HSPG2: variants seen among roughly 807,000 people sequenced by gnomAD.
The protein encoded by HSPG2 is heparan sulfate proteoglycan 2.
A neutral mutation model predicts 526.6 loss-of-function variants in HSPG2; 278 were observed. The observed-to-expected ratio is 0.53, with a 90% CI of 0.48 to 0.58. The LOEUF is 0.58. HSPG2 is among the 20% of genes least tolerant of loss of function. The pLI is 0.00. For missense variants in HSPG2, 5,354 were observed against 6,099.5 expected (o/e 0.88, Z 4.07); for synonymous variants, 2,465 against 2,555.4 (o/e 0.96, Z 1.07).
At chr1:21,875,148 G>A (rs563101756) in intron 25 of HSPG2, 146 bp from the exon 26 acceptor site, 34 of 691,524 alleles carry the variant, frequency 4.9e-5, no homozygotes, top group African/African-American at 8.8e-5. Context: ...CAGAGGCTGC[G>A]AGGACCGTGG....
chr1:21,842,747 C>A (rs1244926051), intron 67 of HSPG2, 23 bp downstream of exon 67: 10 of 1,612,332 alleles, frequency 6.2e-6, no homozygotes, highest in East Asian at 2.2e-5. Context: ...GACCTGGAAT[C>A]CTCCCCATCC....
intron 1 of HSPG2, among the ~76,000 whole-genome samples, chr1:21,918,334 G>A (rs901739714): frequency 1.3e-5 from 2 of 152,070 alleles, no homozygotes; most frequent in Admixed American, 6.5e-5. Flanking sequence ...GTGTGGTGGC[G>A]CACACCTGTA....
chr1:21,838,742 T>A (rs1435200369), intron 74 of HSPG2, 83 bp downstream of exon 74: 26 of 1,463,046 alleles, frequency 1.8e-5, no homozygotes, highest in Non-Finnish European at 2.4e-5. Context: ...AGGGAGGCCT[T>A]CCCACCCGAG....
chr1:21,850,396 G>C lies in HSPG2; in HGVS notation c.7261C>G (p.Leu2421Val). 1 of 1,608,840 alleles carries C rather than the reference G, an allele frequency of 6.2e-7. No individual in the cohort carries two copies. ...GAGCCCGCAGGCTCAATGGTGACCA[G>C]GACAGAGGCCTCTAGAGGCACGGAG... is the stretch of plus-strand genomic sequence containing the variant. ...GSSVPLEASV[L>V]VTIEPAGSVP... The change falls in exon 56 of 97, where the codon CTG (leucine) becomes GTG (valine). Residue 2421 changes from leucine (L) to valine (V), a missense_variant. By Grantham distance (32) the Leu-to-Val change is conservative. Transcript: ENST00000374695.
intron 39 of HSPG2, 45 bp from the exon 40 acceptor site, chr1:21,860,280 C>A: frequency 6.4e-7 from 1 of 1,569,340 alleles, no homozygotes; most frequent in East Asian, 2.3e-5. Context: ...CTCAAGGGCC[C>A]CAGTGCCTCA....
intron 1 of HSPG2, among the ~76,000 whole-genome samples, chr1:21,919,665 G>A (rs1216481632): frequency 1.3e-5 from 2 of 151,774 alleles, no homozygotes; most frequent in African/African-American, 4.9e-5. Flanking sequence ...CAGCTTTAAC[G>A]AGCACATGAG....
At chr1:21,907,357 G>A (rs1288054124) in intron 1 of HSPG2, among the ~76,000 whole-genome samples, 9 of 152,118 alleles carry the variant, frequency 5.9e-5, no homozygotes, top group African/African-American at 1.2e-4. Flanking sequence ...AGCTCTGCTC[G>A]CTGGTCCCTT....
chr1:21,888,540 A>C lies in HSPG2; in HGVS notation c.575-474T>G. On this transcript the variant is annotated intron_variant, in intron 6 of 96. Transcript: ENST00000374695. ...AAGCTGGTCTCGAACTCTTTGCCTC[A>C]AGCAATCCTCCCGTCTTGGCCTCCC... is the stretch of plus-strand genomic sequence containing the variant. 2 of 512,746 alleles carry C rather than the reference A, an allele frequency of 3.9e-6. 1 individual carries two copies. The highest frequency in any genetic ancestry group is 7.6e-5 in the Admixed American group (2 of 26,420). The allele number at this position is 512,746 out of a possible 1,614,324, so 31.8% of individuals were successfully genotyped here.
Position 21,865,661 on chromosome 1 carries a change from G to A in HSPG2, c.4314+56C>T. On this transcript the variant is annotated intron_variant, in intron 34 of 96. Coordinates refer to ENST00000374695, the MANE Select transcript of HSPG2 (RefSeq NM_005529.7). The surrounding 1 kb of genome is among the most constrained non-coding windows in gnomAD (Gnocchi z 5.4). ...AGGACAAAGGACAAATGCCGAGGGTGCCCCTGGCTTCCATCCTGCCCTTCT... is the reference window on the plus strand; with the variant it reads ...AGGACAAAGGACAAATGCCGAGGGTACCCCTGGCTTCCATCCTGCCCTTCT... 1 of 1,362,140 alleles carries A rather than the reference G, an allele frequency of 7.3e-7. No homozygotes were observed. The highest frequency in any genetic ancestry group is 1.1e-6 in the Non-Finnish European group (1 of 950,992). The allele number at this position is 1,362,140 out of a possible 1,614,324, so 84.4% of individuals were successfully genotyped here. A position where few individuals can be genotyped will look rare whatever the true frequency, so the allele number is the denominator to read the frequency against.
intron 1 of HSPG2, among the ~76,000 whole-genome samples, chr1:21,936,505 G>C (rs1644492517): frequency 6.6e-6 from 1 of 152,190 alleles, no homozygotes; most frequent in South Asian, 2.1e-4. Flanking sequence ...TGCATTTTGA[G>C]TTCCCTTGAC....
intron 33 of HSPG2, among the ~76,000 whole-genome samples, chr1:21,871,799 G>A (rs1030409665): frequency 1.3e-5 from 2 of 152,244 alleles, no homozygotes; most frequent in Admixed American, 1.3e-4. Context: ...CAAGCACAGA[G>A]CCAGCAGTGT....
At chr1:21,845,778 C>T (rs1638383156) in intron 64 of HSPG2, among the ~76,000 whole-genome samples, 1 of 152,220 alleles carries the variant, frequency 6.6e-6, no homozygotes, top group Non-Finnish European at 1.5e-5. Flanking sequence ...AGTACTACTA[C>T]CCCTTCTTTA....
intron 85 of HSPG2, 118 bp downstream of exon 85, chr1:21,830,864 A>G (rs2098000619): frequency 4.3e-6 from 3 of 692,712 alleles, no homozygotes; most frequent in Non-Finnish European, 7.7e-6. Flanking sequence ...GAGAGTGCTC[A>G]GGTGAGAGTG....
chr1:21,834,599 G>A, intron 77 of HSPG2, 80 bp downstream of exon 77: 1 of 1,518,250 alleles, frequency 6.6e-7, no homozygotes, highest in African/African-American at 1.4e-5. Context: ...GAAGAGCAGA[G>A]CGGGCAGGCA....
chr1:21,868,673 G>A (rs1240464007), intron 33 of HSPG2, among the ~76,000 whole-genome samples: 1 of 150,396 alleles, frequency 6.6e-6, no homozygotes, highest in African/African-American at 2.5e-5. Flanking sequence ...GGGGTCAGGG[G>A]CCAGGGGTCA....
chr1:21,825,855 G>A (rs1427274245), intron 91 of HSPG2, among the ~76,000 whole-genome samples: 14 of 150,770 alleles, frequency 9.3e-5, no homozygotes, highest in Admixed American at 7.9e-4. Context: ...GCACAATCTT[G>A]GTTCACTACA....
rs752285203 is a variant in HSPG2 at position 21,864,084 on chromosome 1, C to G, written c.4740+16G>C. On this transcript the variant is annotated intron_variant, in intron 37 of 96. Coordinates refer to ENST00000374695, the MANE Select transcript of HSPG2 (RefSeq NM_005529.7). The surrounding 1 kb of genome is among the most constrained non-coding windows in gnomAD (Gnocchi z 4.8). ...AGCTGAGCTGACCCCCTGTCCTGGC[C>G]TCGCTTGCAGCTCACCGAGCAGGCC... The G allele has an allele frequency of 5.2e-6, 8 of 1,544,644 alleles. No individual in the cohort carries two copies. The Admixed American group carries it at 9.8e-5, about 19-fold the overall frequency.
intron 1 of HSPG2, among the ~76,000 whole-genome samples, chr1:21,913,529 A>T (rs1209991483): frequency 6.6e-6 from 1 of 152,172 alleles, no homozygotes; most frequent in Non-Finnish European, 1.5e-5. Context: ...GACAGCCAGG[A>T]ACCTGGACCC....
chr1:21,859,803 C>G lies in HSPG2; in HGVS notation c.5182+32G>C. ...TGCCTCCCCTCCCACTGGGATGGCT[C>G]TTGGGGCTGAGGAGCCTAGGGCCAT... On this transcript the variant is annotated intron_variant, in intron 41 of 96. Transcript: ENST00000374695. This position sits in a 1 kb window ranked among gnomAD's most constrained non-coding sequence, Gnocchi z 5.3. 9 of 1,608,434 alleles carry G rather than the reference C, an allele frequency of 5.6e-6. No homozygotes were observed. The highest frequency in any genetic ancestry group is 6.8e-6 in the Non-Finnish European group (8 of 1,178,484).
Sources: gnomAD v4.1 joint callset for allele counts (sites outside exome capture counted in the v4.1 genomes callset) on GRCh38, gnomAD v4.1.1 for gene constraint, Gnocchi (gnomAD v3.1) non-coding constraint, MANE v1.5 for transcripts, NCBI Gene and HGNC (gene_info 2026-07-23, HGNC 2026-07-21) for gene names.